Variants in MAP2 observed in about 807,000 individuals in gnomAD.
The protein encoded by MAP2 is microtubule-associated protein 2.
In MAP2, 14 loss-of-function variants were observed where a neutral mutation model predicts 137.6. The ratio of observed to expected loss-of-function variants is 0.10; its 90% CI spans 0.07 to 0.16. MAP2 has a LOEUF of 0.16. Among genes scored for constraint, MAP2 ranks in the 10% least tolerant of loss-of-function variants. The pLI is 1.00. For missense variants in MAP2, 2,088 were observed against 2,191.5 expected (o/e 0.95, Z 0.94); for synonymous variants, 786 against 782.3 (o/e 1.00, Z -0.08).
intron 2 of MAP2, among the ~76,000 whole-genome samples, chr2:209,577,441 T>C (rs1234584056): frequency 6.6e-6 from 1 of 151,942 alleles, no homozygotes; most frequent in Non-Finnish European, 1.5e-5. Context: ...TCCAAAAGCA[T>C]TGAATCATAT....
intron 4 of MAP2, among the ~76,000 whole-genome samples, chr2:209,632,490 C>A (rs543513959): frequency 6.6e-6 from 1 of 152,100 alleles, no homozygotes; most frequent in Non-Finnish European, 1.5e-5. Flanking sequence ...TGTCATACTT[C>A]GTGCTTAATA....
At chr2:209,691,532 C>T (rs748606410) in intron 7 of MAP2, among the ~76,000 whole-genome samples, 5 of 152,134 alleles carry the variant, frequency 3.3e-5, no homozygotes, top group Non-Finnish European at 7.4e-5. Flanking sequence ...TACACTTGCT[C>T]TTTTAGAGAT....
chr2:209,625,855 C>T (rs2092220079), intron 4 of MAP2, among the ~76,000 whole-genome samples: 1 of 152,034 alleles, frequency 6.6e-6, no homozygotes, highest in Non-Finnish European at 1.5e-5. Context: ...AATATATATG[C>T]TTTAGCTCAG....
intron 1 of MAP2, among the ~76,000 whole-genome samples, chr2:209,492,112 A>G (rs1214224942): frequency 3.3e-5 from 5 of 152,206 alleles, no homozygotes; most frequent in Non-Finnish European, 7.3e-5. Context: ...AGTTGGCTTC[A>G]TCCTTTGGAT....
At chr2:209,484,967 C>T (rs537324546) in intron 1 of MAP2, among the ~76,000 whole-genome samples, 2 of 152,176 alleles carry the variant, frequency 1.3e-5, no homozygotes, top group Non-Finnish European at 2.9e-5. Flanking sequence ...GATAGAAACG[C>T]GATAGCAGTT....
intron 1 of MAP2, among the ~76,000 whole-genome samples, chr2:209,452,935 A>G (rs1700643315): frequency 6.6e-6 from 1 of 151,980 alleles, no homozygotes; most frequent in African/African-American, 2.4e-5. Context: ...ATTTATACCT[A>G]TCCATTTTTT....
intron 2 of MAP2, among the ~76,000 whole-genome samples, chr2:209,556,047 T>C (rs1454133300): frequency 9.4e-5 from 14 of 148,644 alleles, no homozygotes; most frequent in South Asian, 4.3e-4. Flanking sequence ...CTTTTCTTTT[T>C]TTTTTTTTTT....
At chr2:209,546,264 A>G (rs2068047777) in intron 2 of MAP2, among the ~76,000 whole-genome samples, 1 of 152,258 alleles carries the variant, frequency 6.6e-6, no homozygotes, top group South Asian at 2.1e-4. Context: ...AAGTATGTAT[A>G]TCTCTGTATA....
chr2:209,694,949 G>A lies in MAP2; in HGVS notation c.2779G>A (p.Asp927Asn). 1 of 1,614,174 alleles carries A rather than the reference G, an allele frequency of 6.2e-7. No individual in the cohort carries two copies. Among genetic ancestry groups the A allele is most frequent in the Non-Finnish European group, 8.5e-7 (1 of 1,180,024 alleles). ...ACTGGCAGCAGCCGGAAGAGTCAAA[G>A]ATGAGTTCAGTGTTGACAAAGAAGC... ...VKLAAAGRVKDEFSVDKEASA... is the reference protein window; with the variant it reads ...VKLAAAGRVKNEFSVDKEASA... Residue 927 changes from aspartate to asparagine, a missense_variant, in exon 8 of 16, where the codon GAT (aspartate) becomes AAT (asparagine). By Grantham distance (23) the Asp-to-Asn change is conservative. This residue lies in a region of MAP2 where 500 missense variants were observed against 482.9 expected (regional missense o/e 1.04). Transcript: ENST00000682079.
chr2:209,426,873 C>T lies in MAP2; in HGVS notation c.-222+2597C>T, dbSNP rs555405422. On this transcript the variant is annotated intron_variant, in intron 1 of 15. Transcript: ENST00000682079. ...TTACCCCTTTTGGTTTAAACCAGTT[C>T]GCAAATTTTCTAAACATCAGAAGGG... Among the ~76,000 whole-genome samples, 102 of 152,174 alleles carry T rather than the reference C, an allele frequency of 6.7e-4. 1 individual carries two copies. In the South Asian group the frequency reaches 0.02, roughly 30 times the overall value.
chr2:209,691,225 G>A (rs950097212), intron 7 of MAP2, among the ~76,000 whole-genome samples: 28 of 151,390 alleles, frequency 1.8e-4, no homozygotes, highest in Non-Finnish European at 2.9e-5. Flanking sequence ...CAATTCATAT[G>A]CTTTTATTTC....
chr2:209,584,189 G>T (rs961533258), intron 3 of MAP2, among the ~76,000 whole-genome samples: 2 of 152,020 alleles, frequency 1.3e-5, no homozygotes, highest in African/African-American at 4.8e-5. Flanking sequence ...TACAGGGCAT[G>T]AATTCTAATC....
At chr2:209,468,895 C>G (rs968563299) in intron 1 of MAP2, among the ~76,000 whole-genome samples, 1 of 152,080 alleles carries the variant, frequency 6.6e-6, no homozygotes, top group Non-Finnish European at 1.5e-5. Flanking sequence ...TGGGACTGCT[C>G]CAGTGCCTGG....
chr2:209,431,036 A>C (rs1694122924), intron 1 of MAP2, among the ~76,000 whole-genome samples: 1 of 152,164 alleles, frequency 6.6e-6, no homozygotes, highest in Non-Finnish European at 1.5e-5. Flanking sequence ...TATAGCTTTA[A>C]AACTCAGTCA....
chr2:209,486,763 G>T (rs1185876915), intron 1 of MAP2, among the ~76,000 whole-genome samples: 1 of 152,160 alleles, frequency 6.6e-6, no homozygotes, highest in Non-Finnish European at 1.5e-5. Flanking sequence ...GTTGATTTAA[G>T]CTATTTTCAT....
At chr2:209,429,258 T>C (rs1405441636) in intron 1 of MAP2, among the ~76,000 whole-genome samples, 2 of 152,148 alleles carry the variant, frequency 1.3e-5, no homozygotes, top group Non-Finnish European at 2.9e-5. Flanking sequence ...CGGCAATTAC[T>C]TTAAAGACAT....
intron 7 of MAP2, among the ~76,000 whole-genome samples, chr2:209,682,144 A>G (rs548316364): frequency 2.6e-5 from 4 of 152,274 alleles, no homozygotes; most frequent in South Asian, 4.2e-4. Context: ...ATTGAGCCCT[A>G]CAGTCTTCCA....
At chr2:209,628,372 AGTTT>A (rs199536457) in intron 4 of MAP2, among the ~76,000 whole-genome samples, 2,708 of 152,252 alleles carry the variant, frequency 0.018, 87 homozygotes, top group African/African-American at 0.061. Flanking sequence ...CAACTCTGAA[AGTTT>A]GTTTGTTTCT....
intron 5 of MAP2, among the ~76,000 whole-genome samples, chr2:209,656,205 A>G (rs887708696): frequency 6.6e-6 from 1 of 152,080 alleles, no homozygotes; most frequent in Non-Finnish European, 1.5e-5. Context: ...GAGAGTGGAG[A>G]ATATTAGAAG....
Sources: allele counts gnomAD v4.1 joint callset (sites outside exome capture counted in the v4.1 genomes callset), GRCh38; gene constraint gnomAD v4.1.1; regional missense constraint gnomAD v4.1.1; transcripts MANE v1.5; gene names NCBI Gene and HGNC (gene_info 2026-07-23, HGNC 2026-07-21).